Variants in ADAM8 observed in about 807,000 individuals in gnomAD.
The protein encoded by ADAM8 is disintegrin and metalloproteinase domain-containing protein 8.
A neutral mutation model predicts 102.4 loss-of-function variants in ADAM8; 104 were observed. The observed-to-expected ratio is 1.02, with a 90% CI of 0.87 to 1.20. ADAM8 has a LOEUF of 1.20. Among genes scored for constraint, ADAM8 ranks in the 50% most tolerant of loss-of-function variants. The pLI, the probability that ADAM8 is intolerant of heterozygous loss-of-function variation, is 0.00. For missense variants in ADAM8, 1,132 were observed against 1,159.0 expected (o/e 0.98, Z 0.34); for synonymous variants, 517 against 485.2 (o/e 1.07, Z -0.86).
chr10:133,268,953 C>T (rs946372948), intron 18 of ADAM8, 91 bp from the exon 19 acceptor site: 5 of 1,524,510 alleles, frequency 3.3e-6, no homozygotes, highest in Admixed American at 2.0e-5. Flanking sequence ...TTTCTCAGCA[C>T]CCCCAGGCTG....
intron 1 of ADAM8, among the ~76,000 whole-genome samples, chr10:133,276,496 TGGCCC>T (rs1313635127): frequency 6.6e-6 from 1 of 152,190 alleles, no homozygotes; most frequent in Non-Finnish European, 1.5e-5. Flanking sequence ...GCGTCCTGCT[TGGCCC>T]GGCCCCGACC....
rs925827160 is a variant in ADAM8, at chr10:133,270,563, G to A, written c.1635-53C>T. On this transcript the variant is annotated intron_variant, in intron 15 of 22. Coordinates refer to ENST00000445355, the MANE Select transcript of ADAM8 (RefSeq NM_001109.5). ...AGCTTGCCTGGGAGCATGCTGGGGA[G>A]CCCAGGAGCCACAGTGACCCACCTC... is the stretch of plus-strand genomic sequence containing the variant. 6.4e-6 allele frequency: 10 copies of A among 1,560,556 alleles called. No homozygotes were observed. In the African/African-American group the frequency reaches 8.1e-5, roughly 13 times the overall value.
Position 133,271,584 on chromosome 10 carries a change from C to T in ADAM8, c.1228G>A (p.Val410Met), listed in dbSNP as rs36054052. ...PDLSHLVGGP[V>M]CGNLFVERGE... The stretch of plus-strand genomic sequence containing the variant: ...CGCTCCACAAACAGGTTCCCACACA[C>T]GGGGCCGCCCACCAGGTGGCTGAGG... The change falls in exon 12 of 23, where the codon GTG (valine) becomes ATG (methionine). Residue 410 changes from valine to methionine, a missense_variant. Physicochemically the swap from Val to Met is conservative, Grantham distance 21. Transcript: ENST00000445355. The T allele has an allele frequency of 1.3e-3, 2,002 of 1,558,362 alleles. 9 individuals carry two copies. Among genetic ancestry groups the T allele is most frequent in the Middle Eastern group, 9.1e-3 (54 of 5,956 alleles).
rs1417655467 is a variant in ADAM8, at chr10:133,269,895, A to G, written c.1863+2T>C. ...GGCCCTGTCCCGAGAGGCCACACAT[A>G]CCCCATGGTTGTGGCACTGGGCAGA... On this transcript the variant is annotated splice_donor_variant, in intron 17 of 22. Coordinates refer to ENST00000445355, the MANE Select transcript of ADAM8 (RefSeq NM_001109.5). LOFTEE classifies it high-confidence loss of function. 1.2e-6 allele frequency: 2 copies of G among 1,612,554 alleles called. No individual in the cohort carries two copies. Among genetic ancestry groups the G allele is most frequent in the East Asian group, 4.5e-5 (2 of 44,890 alleles).
chr10:133,273,741 G>A, intron 5 of ADAM8, 21 bp downstream of exon 5: 1 of 1,545,138 alleles, frequency 6.5e-7, no homozygotes, highest in Admixed American at 2.0e-5. Context: ...GGGAGCCCTG[G>A]CGTTCGTCCG....
chr10:133,275,527 C>A lies in ADAM8; in HGVS notation c.107G>T (p.Arg36Leu), dbSNP rs185172422. Residue 36 changes from arginine to leucine, a missense_variant, in exon 2 of 23, where the codon CGT becomes CTT. By Grantham distance (102) the Arg-to-Leu change is moderately radical (BLOSUM62 -2). Coordinates refer to ENST00000445355, the MANE Select transcript of ADAM8 (RefSeq NM_001109.5). ...TCGGCGGACTCGGGGGCCTGGCAGACGCCACGGCAACACGACCTCATACTG... is the reference window on the plus strand; with the variant it reads ...TCGGCGGACTCGGGGGCCTGGCAGAAGCCACGGCAACACGACCTCATACTG... ...MEQYEVVLPW[R>L]LPGPRVRRAL... 1 of 1,526,682 alleles carries A rather than the reference C, an allele frequency of 6.6e-7. No individual in the cohort carries two copies. The highest frequency in any genetic ancestry group is 1.4e-5 in the African/African-American group (1 of 71,226). 94.6% of individuals were successfully genotyped at this position (1,526,682 alleles called of 1,614,324 possible). A position where few individuals can be genotyped will look rare whatever the true frequency, so the allele number is the denominator to read the frequency against.
At position 133,265,291 on chromosome 10, in the gene ADAM8, TCTACCACCAC is replaced by T. The variant is rs1564919091; in HGVS notation, c.2320-1536_2320-1527del. ...GGCTCCTGCTGCAGCCTCTGCCCCA[TCTACCACCAC>T]GCCCGGCTCCTGCTGCAGCCTCTGC... On this transcript the variant is annotated intron_variant, in intron 21 of 22. Transcript: ENST00000445355. Among the ~76,000 whole-genome samples, 11 of 25,958 alleles carry T rather than the reference TCTACCACCAC, an allele frequency of 4.2e-4. 2 individuals carry two copies. The highest frequency in any genetic ancestry group is 3.2e-3 in the Admixed American group (9 of 2,812). The allele number at this position is 25,958 out of a possible 152,430, so 17.0% of individuals were successfully genotyped here.
chr10:133,274,994 G>A (rs1589813886), intron 2 of ADAM8: 2 of 345,272 alleles, frequency 5.8e-6, no homozygotes, highest in South Asian at 4.2e-5. Flanking sequence ...GCCCTCCCTG[G>A]AAACAGGTGC....
At chr10:133,274,504 G>C (rs1224658656) in intron 2 of ADAM8, among the ~76,000 whole-genome samples, 2 of 125,254 alleles carry the variant, frequency 1.6e-5, no homozygotes, top group East Asian at 5.8e-4. Flanking sequence ...GGTGGGGGGC[G>C]GGGGGTGGAG....
chr10:133,272,904 C>T (rs1434858129), intron 7 of ADAM8, 38 bp from the exon 8 acceptor site: 1 of 1,610,800 alleles, frequency 6.2e-7, no homozygotes, highest in Admixed American at 1.7e-5. Flanking sequence ...GCCCACACAC[C>T]CCCCATGCCC....
In ADAM8 at chr10:133,262,974, T is replaced by C. The variant is rs1846206313; in HGVS notation, c.*182A>G. The C allele has an allele frequency of 2.6e-6, 2 of 757,044 alleles. No individual in the cohort carries two copies. Among genetic ancestry groups the C allele is most frequent in the Non-Finnish European group, 2.3e-6 (1 of 435,268 alleles). The allele number at this position is 757,044 out of a possible 1,614,324, so 46.9% of individuals were successfully genotyped here. ...ACGTGGCCAAGGCGGGGAGAAGGAA[T>C]TGGCTGAGGGCGTGGACAGCAGGAG... On this transcript the variant is annotated 3_prime_UTR_variant, in exon 23 of 23. Coordinates refer to ENST00000445355, the MANE Select transcript of ADAM8 (RefSeq NM_001109.5).
intron 19 of ADAM8, 106 bp downstream of exon 19, chr10:133,268,641 TG>T: frequency 1.6e-6 from 2 of 1,240,286 alleles, no homozygotes; most frequent in Non-Finnish European, 2.2e-6. Flanking sequence ...CAGAGGAGCC[TG>T]GGTGTCCGTG....
Position 133,263,766 on chromosome 10 carries a change from C to T in ADAM8, c.2320-1G>A. On this transcript the variant is annotated splice_acceptor_variant, in intron 21 of 22. Coordinates refer to ENST00000445355, the MANE Select transcript of ADAM8 (RefSeq NM_001109.5). LOFTEE classifies it high-confidence loss of function. ...GGGGTGCGAACGTTGGCTTGATGAC[C>T]TGGGAGGAAACAGACACAGCTGACA... is the stretch of plus-strand genomic sequence containing the variant. The T allele has an allele frequency of 1.3e-6, 2 of 1,557,990 alleles. No homozygotes were observed. The highest frequency in any genetic ancestry group is 1.7e-6 in the Non-Finnish European group (2 of 1,151,298).
At position 133,273,985 on chromosome 10, in the gene ADAM8, T is replaced by G; in HGVS notation, c.272A>C (p.Asn91Thr). 24 of 1,606,832 alleles carry G rather than the reference T, an allele frequency of 1.5e-5. No homozygotes were observed. The highest frequency in any genetic ancestry group is 2.0e-5 in the Non-Finnish European group (23 of 1,178,456). ...AGGCTGCTCCGTCACCTCGGAGCCA[T>G]TGGCAGCCGTATAGGTCTCTGTGTA... ...SGYTETYTAA[N>T]GSEVTEQPRG... is the part of the protein sequence containing the mutation. The change falls in exon 4 of 23, where the codon AAT (asparagine) becomes ACT (threonine). Residue 91 changes from asparagine (N) to threonine (T), a missense_variant. Transcript: ENST00000445355.
intron 6 of ADAM8, 41 bp downstream of exon 6, chr10:133,273,213 A>G (rs1397846110): frequency 1.3e-6 from 2 of 1,590,042 alleles, no homozygotes; most frequent in East Asian, 2.3e-5. Flanking sequence ...GCAAGTGGAC[A>G]CCGGCAGGGC....
rs535440703 is a variant in ADAM8, at chr10:133,271,929, A to G, written c.983T>C (p.Val328Ala). Reference protein sequence around the residue: ...NQDHSKNPVGVACTMAHEMGH... With the variant: ...NQDHSKNPVGAACTMAHEMGH... ...CATCTCATGGGCCATGGTACAGGCCACGCCCACGGGGTTCTTGCTGTGGTC... is the reference window on the plus strand; with the variant it reads ...CATCTCATGGGCCATGGTACAGGCCGCGCCCACGGGGTTCTTGCTGTGGTC... Residue 328 changes from valine to alanine, a missense_variant, in exon 11 of 23, where the codon GTG (valine) becomes GCG (alanine). Coordinates refer to ENST00000445355, the MANE Select transcript of ADAM8 (RefSeq NM_001109.5). The G allele has an allele frequency of 6.2e-7, 1 of 1,611,808 alleles. No individual in the cohort carries two copies. Among genetic ancestry groups the G allele is most frequent in the Non-Finnish European group, 8.5e-7 (1 of 1,179,216 alleles).
At chr10:133,269,774 C>A in intron 17 of ADAM8, 123 bp downstream of exon 17, 1 of 1,201,908 alleles carries the variant, frequency 8.3e-7, no homozygotes, top group East Asian at 2.4e-5. Flanking sequence ...CAGAGACCCC[C>A]ATGGACAGGA....
intron 8 of ADAM8, 46 bp downstream of exon 8, chr10:133,272,752 T>G: frequency 2.7e-6 from 4 of 1,496,958 alleles, no homozygotes; most frequent in Non-Finnish European, 3.6e-6. Context: ...CCCCCCCACC[T>G]CCCGCCAGGG....
rs557932937 is a variant in ADAM8 at position 133,272,400 on chromosome 10, C to G, written c.875+16G>C. 2 of 1,562,486 alleles carry G rather than the reference C, an allele frequency of 1.3e-6. No individual in the cohort carries two copies. The highest frequency in any genetic ancestry group is 1.7e-6 in the Non-Finnish European group (2 of 1,152,954). ...CCTCCCCAGCCCTCCCCACCCTGCC[C>G]GCTCCGCCAGCTCACGTGATGAGCT... On this transcript the variant is annotated intron_variant, in intron 9 of 22. Coordinates refer to ENST00000445355, the MANE Select transcript of ADAM8 (RefSeq NM_001109.5).
Sources: allele counts gnomAD v4.1 joint callset (sites outside exome capture counted in the v4.1 genomes callset), GRCh38; gene constraint gnomAD v4.1.1; transcripts MANE v1.5; gene names NCBI Gene and HGNC (gene_info 2026-07-23, HGNC 2026-07-21).